The following SLC25A26 variants were observed in gnomAD, a reference collection of about 807,000 sequenced individuals.
SLC25A26 encodes the protein solute carrier family 25 member 26, also known as mitochondrial S-adenosylmethionine carrier protein.
A neutral mutation model predicts 37.8 loss-of-function variants in SLC25A26; 36 were observed. That is an observed-to-expected ratio of 0.95 (90% CI 0.73 to 1.26). The LOEUF (loss-of-function observed/expected upper bound fraction) is 1.26. SLC25A26 is among the 50% of genes most tolerant of loss of function. SLC25A26 has a pLI of 0.00. For synonymous variants in SLC25A26, 129 were observed against 122.5 expected (o/e 1.05, Z -0.35); for missense variants, 390 against 331.1 (o/e 1.18, Z -1.38).
At chr3:66,330,228 GA>G (rs747926143) in intron 5 of SLC25A26, among the ~76,000 whole-genome samples, 1 of 152,154 alleles carries the variant, frequency 6.6e-6, no homozygotes, top group Non-Finnish European at 1.5e-5. Context: ...TTAAGATGGA[GA>G]AACTGTAGGT....
chr3:66,343,355 T>C (rs2076251531), intron 5 of SLC25A26, among the ~76,000 whole-genome samples: 1 of 152,242 alleles, frequency 6.6e-6, no homozygotes. Flanking sequence ...ATTTCACTAC[T>C]AGAAGTCAGA....
Position 66,155,429 on chromosome 3 carries a change from C to G in SLC25A26, c.-354+21445C>G, listed in dbSNP as rs577391123. Among the ~76,000 whole-genome samples, 73 of 152,282 alleles carry G rather than the reference C, an allele frequency of 4.8e-4. 2 individuals are homozygous for G. Among genetic ancestry groups the G allele is most frequent in the African/African-American group, 1.7e-3 (71 of 41,564 alleles). ...TCAGGAGGCTGAGGCAGAAGGATCA[C>G]TTGAGCCCAGGAGGTTGAGGCTACA... On this transcript the variant is annotated intron_variant, in intron 1 of 10. Transcript: ENST00000676754.
At chr3:66,177,542 A>G (rs989983094) in intron 1 of SLC25A26, among the ~76,000 whole-genome samples, 11 of 152,162 alleles carry the variant, frequency 7.2e-5, no homozygotes, top group African/African-American at 2.7e-4. Context: ...TCCACCTCAC[A>G]TTAAATCCCC....
rs1483824524 is a variant in SLC25A26 at position 66,369,742 on chromosome 3, C to T, written c.633+200C>T. Among the ~76,000 whole-genome samples the T allele has an allele frequency of 2.6e-5, 4 of 152,328 alleles. No homozygotes were observed. In the South Asian group the frequency reaches 8.3e-4, roughly 32 times the overall value. On this transcript the variant is annotated intron_variant, in intron 8 of 9. Transcript: ENST00000354883. ...ACATAATATTGTACCATTTCACAGT[C>T]ATTTTCACATAGGGCTGGTAGAGCC...
At chr3:66,284,202 T>G (rs951571452) in intron 5 of SLC25A26, among the ~76,000 whole-genome samples, 13 of 151,892 alleles carry the variant, frequency 8.6e-5, no homozygotes, top group African/African-American at 2.9e-4. Context: ...TTTAAAAAAT[T>G]GCTGCCTGTG....
chr3:66,237,682 G>T (rs782373893), intron 2 of SLC25A26, among the ~76,000 whole-genome samples: 10 of 152,180 alleles, frequency 6.6e-5, no homozygotes, highest in Non-Finnish European at 1.5e-4. Context: ...TTGGTATACT[G>T]TTTGCAGATA....
At chr3:66,356,185 G>A (rs569056032) in intron 6 of SLC25A26, 2 of 432,542 alleles carry the variant, frequency 4.6e-6, no homozygotes, top group South Asian at 1.7e-5. Context: ...GAAAAACAAA[G>A]CCTTCTCTTC....
chr3:66,334,054 G>A (rs1275485896), intron 5 of SLC25A26, among the ~76,000 whole-genome samples: 1 of 152,134 alleles, frequency 6.6e-6, no homozygotes, highest in Non-Finnish European at 1.5e-5. Context: ...TCCCTTAACA[G>A]TTGTGGATCT....
intron 5 of SLC25A26, among the ~76,000 whole-genome samples, chr3:66,295,368 C>T (rs1049256472): frequency 6.7e-6 from 1 of 149,526 alleles, no homozygotes; most frequent in African/African-American, 2.5e-5. Flanking sequence ...GGATTACAGG[C>T]GCATGCCACC....
intron 1 of SLC25A26, among the ~76,000 whole-genome samples, chr3:66,171,055 G>T (rs150772443): frequency 0.35 from 53,408 of 151,430 alleles, 9,571 homozygotes; most frequent in Non-Finnish European, 0.38. Context: ...CGCCCGCCTC[G>T]GCCTCCCAAA....
At chr3:66,193,824 T>C (rs1379594150) in intron 1 of SLC25A26, among the ~76,000 whole-genome samples, 2 of 152,182 alleles carry the variant, frequency 1.3e-5, no homozygotes, top group African/African-American at 4.8e-5. Context: ...AATATTAACC[T>C]AGATAAACAG....
At chr3:66,353,239 TAAC>T (rs1168811517) in intron 6 of SLC25A26, among the ~76,000 whole-genome samples, 3 of 152,282 alleles carry the variant, frequency 2.0e-5, no homozygotes, top group African/African-American at 7.2e-5. Flanking sequence ...TTAGTGATGA[TAAC>T]AACCATAATA....
intron 5 of SLC25A26, among the ~76,000 whole-genome samples, chr3:66,330,247 G>C (rs114051881): frequency 0.012 from 1,799 of 152,222 alleles, 40 homozygotes; most frequent in African/African-American, 0.041. Flanking sequence ...GGTAGAGCAG[G>C]TTTGGGAGGA....
At chr3:66,206,699 C>T (rs2071182360) in intron 1 of SLC25A26, among the ~76,000 whole-genome samples, 1 of 148,446 alleles carries the variant, frequency 6.7e-6, no homozygotes. Flanking sequence ...GCAGTACTTA[C>T]AGGTTCTTTT....
At chr3:66,314,800 A>G (rs1294724429) in intron 5 of SLC25A26, among the ~76,000 whole-genome samples, 1 of 151,488 alleles carries the variant, frequency 6.6e-6, no homozygotes, top group Non-Finnish European at 1.5e-5. Context: ...TCAATTTCAG[A>G]ACAGGTTATT....
chr3:66,350,450 G>T (rs767712138), intron 6 of SLC25A26, among the ~76,000 whole-genome samples: 1 of 152,032 alleles, frequency 6.6e-6, no homozygotes, highest in Non-Finnish European at 1.5e-5. Flanking sequence ...CTTCACTGTT[G>T]GGAATTTGTG....
chr3:66,337,372 A>T (rs1435500205), intron 5 of SLC25A26, among the ~76,000 whole-genome samples: 4 of 152,142 alleles, frequency 2.6e-5, no homozygotes, highest in African/African-American at 4.8e-5. Context: ...AATGTCCTAC[A>T]CATTAGAAAT....
chr3:66,249,350 G>T (rs782335906), intron 3 of SLC25A26, among the ~76,000 whole-genome samples: 5 of 152,138 alleles, frequency 3.3e-5, no homozygotes, highest in Non-Finnish European at 7.4e-5. Context: ...GGTCTCCTTT[G>T]GTATCAGCAT....
chr3:66,336,657 CTG>C (rs1227839792), intron 5 of SLC25A26, among the ~76,000 whole-genome samples: 5 of 152,156 alleles, frequency 3.3e-5, no homozygotes, highest in Non-Finnish European at 7.3e-5. Flanking sequence ...CTGGAAATGA[CTG>C]TGAATAACCA....
Sources: allele counts gnomAD v4.1 joint callset (sites outside exome capture counted in the v4.1 genomes callset), GRCh38; gene constraint gnomAD v4.1.1; transcripts MANE v1.5; gene names NCBI Gene and HGNC (gene_info 2026-07-23, HGNC 2026-07-21).